The following PHACTR2 variants were observed in gnomAD, a reference collection of about 807,000 sequenced individuals.
PHACTR2 encodes the protein chromosome 6 open reading frame 56.
A neutral mutation model predicts 76.0 loss-of-function variants in PHACTR2; 30 were observed. The observed-to-expected ratio is 0.39, with a 90% CI of 0.30 to 0.54. PHACTR2 has a LOEUF of 0.54. Ranked by LOEUF, PHACTR2 falls within the 20% of genes least tolerant of loss-of-function variation. The pLI, the probability that PHACTR2 is intolerant of heterozygous loss-of-function variation, is 0.61. For missense variants in PHACTR2, 696 were observed against 781.1 expected, an observed-to-expected ratio of 0.89 and a Z score of 1.30; for synonymous variants, 292 against 292.5, an observed-to-expected ratio of 1.00 and a Z score of 0.02.
At position 143,794,440 on chromosome 6, in the gene PHACTR2, A is replaced by G. The variant is rs914900534; in HGVS notation, c.1845+5530A>G. 6.6e-6 allele frequency among the ~76,000 whole-genome samples: 1 copy of G among 151,962 alleles called. No homozygotes were observed. The highest frequency in any genetic ancestry group is 6.6e-5 in the Admixed American group (1 of 15,248). ...AAATGAGTTTTATTTTTAACTTTTG[A>G]GCTCTATATCCCATTTTTAAAAACT... On this transcript the variant is annotated intron_variant, in intron 11 of 12. Coordinates refer to ENST00000440869, the MANE Select transcript of PHACTR2 (RefSeq NM_001100164.2). This position sits in a 1 kb window ranked among gnomAD's most constrained non-coding sequence, Gnocchi z 4.1.
At chr6:143,666,336 A>G (rs9376776) in intron 1 of PHACTR2, among the ~76,000 whole-genome samples, 24,698 of 152,204 alleles carry the variant, frequency 0.16, 2,153 homozygotes, top group East Asian at 0.35. Flanking sequence ...TGCAATAAAC[A>G]TAAGTGTGCA....
chr6:143,741,580 C>A (rs1778944347), intron 2 of PHACTR2, among the ~76,000 whole-genome samples: 1 of 152,140 alleles, frequency 6.6e-6, no homozygotes, highest in Non-Finnish European at 1.5e-5. Flanking sequence ...GGAAAATGTT[C>A]TCCAAGCACA....
chr6:143,769,283 A>C lies in PHACTR2; in HGVS notation c.1233-2975A>C, dbSNP rs550654210. ...TAAGCCCATTTGGAGGCCATATCCAAAAGGCTACTTTGTACAGTTCATTTT... is the reference window on the plus strand; with the variant it reads ...TAAGCCCATTTGGAGGCCATATCCACAAGGCTACTTTGTACAGTTCATTTT... On this transcript the variant is annotated intron_variant, in intron 6 of 12. Transcript: ENST00000440869. Among the ~76,000 whole-genome samples, 28 of 152,326 alleles carry C rather than the reference A, an allele frequency of 1.8e-4. No individual in the cohort carries two copies. In the East Asian group the frequency reaches 4.4e-3, roughly 24 times the overall value.
At position 143,537,922 on chromosome 6, in the gene PHACTR2, C is replaced by T. The variant is rs1781133661; in HGVS notation, c.217+715C>T. ...AAAAGTTCGAGACCGGCCTGGCCAACATGGTCAGGAAACTTCGTCCCTACT... is the reference window on the plus strand; with the variant it reads ...AAAAGTTCGAGACCGGCCTGGCCAATATGGTCAGGAAACTTCGTCCCTACT... On this transcript the variant is annotated intron_variant, in intron 1 of 11. Transcript: ENST00000367584. The surrounding 1 kb of genome is among the most constrained non-coding windows in gnomAD (Gnocchi z 4.4). Among the ~76,000 whole-genome samples, 1 of 152,210 alleles carries T rather than the reference C, an allele frequency of 6.6e-6. No homozygotes were observed. Among genetic ancestry groups the T allele is most frequent in the African/African-American group, 2.4e-5 (1 of 41,454 alleles).
chr6:143,565,286 G>A (rs1302946066), intron 1 of PHACTR2, among the ~76,000 whole-genome samples: 2 of 152,146 alleles, frequency 1.3e-5, no homozygotes, highest in African/African-American at 4.8e-5. Flanking sequence ...AGTGGAAAAA[G>A]TAAGTAGAAA....
chr6:143,670,176 T>G (rs575943536), intron 1 of PHACTR2, among the ~76,000 whole-genome samples: 1 of 152,338 alleles, frequency 6.6e-6, no homozygotes, highest in South Asian at 2.1e-4. Context: ...TGGCCCCCAC[T>G]GTCCTCTGGC....
At position 143,678,861 on chromosome 6, in the gene PHACTR2, T is replaced by G. The variant is rs1471624479; in HGVS notation, c.46+652T>G. Among the ~76,000 whole-genome samples the G allele has an allele frequency of 6.6e-6, 1 of 152,150 alleles. No individual in the cohort carries two copies. The highest frequency in any genetic ancestry group is 1.5e-5 in the Non-Finnish European group (1 of 68,014). ...CGTGTCTGAGTTCTAATGCTCTGTT[T>G]TAAAAGTTTCTTTTTTCCATTTTCT... is the stretch of plus-strand genomic sequence containing the variant. On this transcript the variant is annotated intron_variant, in intron 1 of 12. Transcript: ENST00000440869. The surrounding 1 kb of genome is among the most constrained non-coding windows in gnomAD (Gnocchi z 6.2).
At position 143,581,756 on chromosome 6, in the gene PHACTR2, G is replaced by C. The variant is rs1775577024; in HGVS notation, c.217+44549G>C. Among the ~76,000 whole-genome samples, 1 of 151,992 alleles carries C rather than the reference G, an allele frequency of 6.6e-6. No homozygotes were observed. Among genetic ancestry groups the C allele is most frequent in the Admixed American group, 6.5e-5 (1 of 15,282 alleles). The stretch of plus-strand genomic sequence containing the variant: ...TGAGGCAGGAGGATCACCTGAGCCT[G>C]GGAAAGTCGAGGCTGCAGTGAGCCA... On this transcript the variant is annotated intron_variant, in intron 1 of 11. Coordinates refer to the PHACTR2 transcript ENST00000367584. This position sits in a 1 kb window ranked among gnomAD's most constrained non-coding sequence, Gnocchi z 4.5.
rs1014251682 is a variant in PHACTR2 at position 143,800,093 on chromosome 6, G to C, written c.1846-6964G>C. ...ACTGGATGCATATATATTTAGGATAGTTAACTCTTTTTGTTGAATTGATCC... is the reference window on the plus strand; with the variant it reads ...ACTGGATGCATATATATTTAGGATACTTAACTCTTTTTGTTGAATTGATCC... On this transcript the variant is annotated intron_variant, in intron 11 of 12. Coordinates refer to ENST00000440869, the MANE Select transcript of PHACTR2 (RefSeq NM_001100164.2). This position sits in a 1 kb window ranked among gnomAD's most constrained non-coding sequence, Gnocchi z 4.8. Among the ~76,000 whole-genome samples the C allele has an allele frequency of 6.6e-6, 1 of 152,088 alleles. No homozygotes were observed. Among genetic ancestry groups the C allele is most frequent in the African/African-American group, 2.4e-5 (1 of 41,400 alleles).
At chr6:143,560,882 G>GGGGTGT (rs1467042988) in intron 1 of PHACTR2, among the ~76,000 whole-genome samples, 62 of 133,094 alleles carry the variant, frequency 4.7e-4, no homozygotes, top group African/African-American at 1.4e-3. Context: ...AAAGCAGAGG[G>GGGGTGT]GTGTGTGTGT....
rs1777596694 is a variant in PHACTR2, at chr6:143,689,668, A to G, written c.46+11459A>G. 6.9e-6 allele frequency among the ~76,000 whole-genome samples: 1 copy of G among 144,512 alleles called. No homozygotes were observed. Among genetic ancestry groups the G allele is most frequent in the African/African-American group, 2.6e-5 (1 of 38,920 alleles). The allele number at this position is 144,512 out of a possible 152,430, so 94.8% of individuals were successfully genotyped here. On this transcript the variant is annotated intron_variant, in intron 1 of 12. Coordinates refer to ENST00000440869, the MANE Select transcript of PHACTR2 (RefSeq NM_001100164.2). The surrounding 1 kb of genome is among the most constrained non-coding windows in gnomAD (Gnocchi z 4.4). ...AATCATACATTTCCTATTATTTCCC[A>G]TTTTCCCATTTTCTCATCTTCTCAA...
chr6:143,778,262 G>A (rs374936836), intron 9 of PHACTR2, among the ~76,000 whole-genome samples: 56 of 152,258 alleles, frequency 3.7e-4, no homozygotes, highest in Middle Eastern at 6.8e-3. Context: ...TGTCAGCCAG[G>A]CTTTTCGAGT....
intron 1 of PHACTR2, among the ~76,000 whole-genome samples, chr6:143,682,353 G>A (rs1466496271): frequency 6.6e-6 from 1 of 152,152 alleles, no homozygotes; most frequent in Non-Finnish European, 1.5e-5. Context: ...GAGCAGCTGG[G>A]ACCACTGGTG....
intron 3 of PHACTR2, among the ~76,000 whole-genome samples, chr6:143,752,883 G>A (rs957086801): frequency 6.6e-6 from 1 of 152,096 alleles, no homozygotes; most frequent in East Asian, 1.9e-4. Flanking sequence ...ATAAAGTAGG[G>A]TTAATCTTTT....
intron 1 of PHACTR2, among the ~76,000 whole-genome samples, chr6:143,707,456 A>C (rs546873700): frequency 6.6e-6 from 1 of 152,264 alleles, no homozygotes; most frequent in East Asian, 1.9e-4. Context: ...TAGTACCAGG[A>C]GTTCTTTTAT....
chr6:143,675,033 G>T (rs1304647502), upstream of PHACTR2, among the ~76,000 whole-genome samples: 2 of 152,138 alleles, frequency 1.3e-5, no homozygotes, highest in Admixed American at 6.5e-5. The surrounding 1 kb of genome is among the most constrained non-coding windows in gnomAD (Gnocchi z 4.9). Flanking sequence ...ACCCCAGGTG[G>T]GTGAGTCTAA....
intron 1 of PHACTR2, among the ~76,000 whole-genome samples, chr6:143,584,389 G>A (rs1033533616): frequency 6.6e-6 from 1 of 152,312 alleles, no homozygotes; most frequent in Middle Eastern, 3.4e-3. Flanking sequence ...CAGGGGGACT[G>A]AACTTTCAAG....
At chr6:143,769,134 G>T (rs1452613876) in intron 6 of PHACTR2, among the ~76,000 whole-genome samples, 2 of 152,166 alleles carry the variant, frequency 1.3e-5, no homozygotes, top group African/African-American at 4.8e-5. Context: ...AAGACAAGTG[G>T]CTATGTATAA....
In PHACTR2 at chr6:143,679,777, C is replaced by T. The variant is rs1348381270; in HGVS notation, c.46+1568C>T. Reference sequence around the variant, plus strand: ...TACGTCTTAGTACAGCAAAAAAACCCGGATTGCTATAATTCCAAATAAAAT... The same window carrying T: ...TACGTCTTAGTACAGCAAAAAAACCTGGATTGCTATAATTCCAAATAAAAT... On this transcript the variant is annotated intron_variant, in intron 1 of 12. Transcript: ENST00000440869. This position sits in a 1 kb window ranked among gnomAD's most constrained non-coding sequence, Gnocchi z 4.6. Among the ~76,000 whole-genome samples the T allele has an allele frequency of 3.3e-5, 5 of 152,036 alleles. No individual in the cohort carries two copies. The highest frequency in any genetic ancestry group is 1.3e-4 in the Admixed American group (2 of 15,258).
Sources: gnomAD v4.1 joint callset for allele counts (sites outside exome capture counted in the v4.1 genomes callset) on GRCh38, gnomAD v4.1.1 for gene constraint, Gnocchi (gnomAD v3.1) non-coding constraint, MANE v1.5 for transcripts, NCBI Gene and HGNC (gene_info 2026-07-23, HGNC 2026-07-21) for gene names.